SLC35F3: variants seen among roughly 807,000 people sequenced by gnomAD.
SLC35F3 encodes the protein putative thiamine transporter SLC35F3.
A neutral mutation model predicts 49.9 loss-of-function variants in SLC35F3; 25 were observed. The ratio of observed to expected loss-of-function variants is 0.50; its 90% CI spans 0.37 to 0.70. The LOEUF (loss-of-function observed/expected upper bound fraction) is 0.70. SLC35F3 is among the 30% of genes least tolerant of loss of function. The pLI is 0.00. For synonymous variants in SLC35F3, 275 were observed against 265.4 expected, an observed-to-expected ratio of 1.04 and a Z score of -0.35; for missense variants, 525 against 639.8, an observed-to-expected ratio of 0.82 and a Z score of 1.94.
chr1:234,106,798 T>C (rs1051679576), intron 2 of SLC35F3, among the ~76,000 whole-genome samples: 3 of 152,174 alleles, frequency 2.0e-5, no homozygotes, highest in African/African-American at 7.2e-5. Context: ...TATGGAGCTA[T>C]TGCAACCAAC....
chr1:234,222,149 A>G (rs2102945671), intron 2 of SLC35F3, among the ~76,000 whole-genome samples: 1 of 152,336 alleles, frequency 6.6e-6, no homozygotes, highest in East Asian at 1.9e-4. Context: ...AGATGATGTG[A>G]TGGCATAAAA....
At chr1:234,145,511 A>C (rs1665983319) in intron 2 of SLC35F3, among the ~76,000 whole-genome samples, 1 of 152,200 alleles carries the variant, frequency 6.6e-6, no homozygotes, top group Non-Finnish European at 1.5e-5. Context: ...TGTTAGAGAC[A>C]TGCAGTCAGT....
intron 2 of SLC35F3, among the ~76,000 whole-genome samples, chr1:234,102,345 G>A (rs887531393): frequency 6.6e-6 from 1 of 152,158 alleles, no homozygotes; most frequent in Non-Finnish European, 1.5e-5. Context: ...AGGTGTGTGT[G>A]TGTTTGTGTG....
intron 2 of SLC35F3, among the ~76,000 whole-genome samples, chr1:234,158,684 A>G (rs1011113149): frequency 1.3e-5 from 2 of 152,190 alleles, no homozygotes; most frequent in Non-Finnish European, 2.9e-5. Flanking sequence ...TTTCCCTAGT[A>G]TCAACTCCTA....
chr1:233,982,808 C>T (rs552391349), intron 2 of SLC35F3, among the ~76,000 whole-genome samples: 92 of 152,264 alleles, frequency 6.0e-4, no homozygotes, highest in Middle Eastern at 3.4e-3. Flanking sequence ...ATTCTCTGAT[C>T]GGGAGGGAGA....
chr1:233,971,202 G>T (rs1346283682), intron 2 of SLC35F3, among the ~76,000 whole-genome samples: 1 of 152,198 alleles, frequency 6.6e-6, no homozygotes, highest in Non-Finnish European at 1.5e-5. Context: ...CGTCAGCCAA[G>T]TAAAGGGAGC....
intron 2 of SLC35F3, among the ~76,000 whole-genome samples, chr1:233,984,720 A>G (rs1296383671): frequency 1.3e-5 from 2 of 152,152 alleles, no homozygotes; most frequent in Admixed American, 6.5e-5. Context: ...AGAACAAAGA[A>G]TGGCAGTCAG....
intron 2 of SLC35F3, among the ~76,000 whole-genome samples, chr1:234,081,481 G>A (rs1375004483): frequency 6.6e-6 from 1 of 152,158 alleles, no homozygotes; most frequent in African/African-American, 2.4e-5. Flanking sequence ...TGGGGGAGGG[G>A]CTACGGGAGG....
At position 234,316,610 on chromosome 1, in the gene SLC35F3, C is replaced by T. The variant is rs199624737; in HGVS notation, c.837C>T (p.Ala279=). ...RDRFMGVRIV[A]AILAIAGIVM... is the part of the protein sequence containing the mutation. ...TTCTTCCGTCTGTCCAGATTGTGGC[C>T]GCCATCCTCGCCATCGCTGGCATTG... Residue 279 remains alanine, a synonymous_variant, in exon 5 of 8, where the codon GCC becomes GCT. Coordinates refer to ENST00000366618, the MANE Select transcript of SLC35F3 (RefSeq NM_173508.4). 6.5e-5 allele frequency: 105 copies of T among 1,608,402 alleles called. No individual in the cohort carries two copies. The East Asian group carries it at 1.1e-3, about 17-fold the overall frequency.
intron 2 of SLC35F3, among the ~76,000 whole-genome samples, chr1:233,959,189 C>T (rs1005282419): frequency 3.3e-5 from 5 of 151,914 alleles, no homozygotes; most frequent in Middle Eastern, 3.4e-3. Context: ...TTTATTCTCA[C>T]GTATAAAGTA....
intron 2 of SLC35F3, among the ~76,000 whole-genome samples, chr1:233,935,291 T>C (rs1662306327): frequency 7.0e-6 from 1 of 143,674 alleles, no homozygotes; most frequent in Admixed American, 7.6e-5. Context: ...CCATACATTA[T>C]TGATATCCAA....
intron 2 of SLC35F3, among the ~76,000 whole-genome samples, chr1:233,971,577 A>G (rs949525740): frequency 1.3e-5 from 2 of 152,050 alleles, no homozygotes; most frequent in African/African-American, 4.8e-5. Context: ...AAAATTAGCC[A>G]GCGTGGTGGT....
intron 2 of SLC35F3, among the ~76,000 whole-genome samples, chr1:234,153,663 A>G (rs1364893307): frequency 6.6e-6 from 1 of 152,182 alleles, no homozygotes; most frequent in Non-Finnish European, 1.5e-5. Flanking sequence ...ACAATGGCTC[A>G]CACCTGTAAT....
chr1:234,017,564 A>G (rs1558206401), intron 2 of SLC35F3, among the ~76,000 whole-genome samples: 5 of 151,576 alleles, frequency 3.3e-5, no homozygotes, highest in Admixed American at 2.0e-4. Flanking sequence ...AATACAAAAA[A>G]TTAGCCTGGC....
intron 3 of SLC35F3, among the ~76,000 whole-genome samples, chr1:234,266,754 T>G (rs977058472): frequency 1.2e-4 from 19 of 152,220 alleles, no homozygotes; most frequent in Admixed American, 9.2e-4. Flanking sequence ...GTAAGTATTT[T>G]TATATCTAGA....
chr1:234,231,720 A>G lies in SLC35F3; in HGVS notation c.587A>G (p.Gln196Arg). The G allele has an allele frequency of 1.2e-6, 2 of 1,611,914 alleles. No individual in the cohort carries two copies. The highest frequency in any genetic ancestry group is 1.7e-6 in the Non-Finnish European group (2 of 1,178,532). ...VGHVCKSTEK[Q>R]SVKQRYRECC... ...CACGTCTGCAAGTCCACAGAGAAGCAGTCTGTGAAGCAGCGATACAGGTAG... is the reference window on the plus strand; with the variant it reads ...CACGTCTGCAAGTCCACAGAGAAGCGGTCTGTGAAGCAGCGATACAGGTAG... The change falls in exon 3 of 8, where the codon CAG becomes CGG. Residue 196 changes from glutamine to arginine, a missense_variant. Around this residue, in one of 4 missense-constraint regions of SLC35F3, gnomAD observed 216 missense variants for 298.1 expected, o/e 0.72. Transcript: ENST00000366618. This position sits in a 1 kb window ranked among gnomAD's most constrained non-coding sequence, Gnocchi z 5.4.
At chr1:234,007,182 T>G (rs1217452825) in intron 2 of SLC35F3, among the ~76,000 whole-genome samples, 2 of 151,902 alleles carry the variant, frequency 1.3e-5, no homozygotes, top group Non-Finnish European at 2.9e-5. Flanking sequence ...ATAAACCTAA[T>G]AAAAAAGCAA....
chr1:234,142,168 C>T (rs552772444), intron 2 of SLC35F3, among the ~76,000 whole-genome samples: 2 of 152,230 alleles, frequency 1.3e-5, no homozygotes, highest in African/African-American at 4.8e-5. Context: ...GTGCAAGGGG[C>T]GTAGGAGGAC....
At chr1:234,256,766 C>A (rs913252886) in intron 3 of SLC35F3, among the ~76,000 whole-genome samples, 1 of 152,236 alleles carries the variant, frequency 6.6e-6, no homozygotes, top group African/African-American at 2.4e-5. Flanking sequence ...CACGTTTCTC[C>A]TTTTGTAAAT....
Sources: gnomAD v4.1 joint callset for allele counts (sites outside exome capture counted in the v4.1 genomes callset) on GRCh38, gnomAD v4.1.1 for gene constraint, gnomAD v4.1.1 regional missense constraint, Gnocchi (gnomAD v3.1) non-coding constraint, MANE v1.5 for transcripts, NCBI Gene and HGNC (gene_info 2026-07-23, HGNC 2026-07-21) for gene names.